Variants in HSDL2 observed in about 807,000 individuals in gnomAD.
HSDL2 encodes the protein hydroxysteroid dehydrogenase like 2.
In HSDL2, 27 loss-of-function variants were observed where a neutral mutation model predicts 46.3. The observed-to-expected ratio is 0.58, with a 90% CI of 0.43 to 0.80. The LOEUF is 0.80. HSDL2 is among the 30% of genes least tolerant of loss of function. The pLI is 0.00. For missense variants in HSDL2, 451 were observed against 502.7 expected (o/e 0.90, Z 0.98); for synonymous variants, 153 against 163.6 (o/e 0.94, Z 0.50).
chr9:112,434,814 T>C (rs1832486758), intron 6 of HSDL2, among the ~76,000 whole-genome samples: 1 of 152,238 alleles, frequency 6.6e-6, no homozygotes, highest in Non-Finnish European at 1.5e-5. Flanking sequence ...CTTAAGACTG[T>C]TGGTACTGTC....
chr9:112,462,026 G>A (rs10759569), intron 10 of HSDL2, among the ~76,000 whole-genome samples: 145,505 of 152,326 alleles, frequency 0.96, 69,558 homozygotes, highest in African/African-American at 0.98. Context: ...GTTTGCTTGT[G>A]CTTCTTATGT....
chr9:112,383,278 G>A (rs950482965), intron 1 of HSDL2, among the ~76,000 whole-genome samples: 45 of 151,994 alleles, frequency 3.0e-4, no homozygotes, highest in Non-Finnish European at 5.3e-4. Flanking sequence ...TCACCATGTT[G>A]GCCAGGCTGG....
intron 4 of HSDL2, 82 bp downstream of exon 4, chr9:112,409,103 A>C (rs1831802227): frequency 1.3e-6 from 1 of 758,544 alleles, no homozygotes; most frequent in Non-Finnish European, 2.3e-6. Flanking sequence ...GATTTGAGCC[A>C]AATTAACAGT....
intron 9 of HSDL2, 80 bp from the exon 10 acceptor site, chr9:112,459,368 AT>A: frequency 6.9e-7 from 1 of 1,458,132 alleles, no homozygotes; most frequent in Non-Finnish European, 9.4e-7. Flanking sequence ...ATTTTGTAAG[AT>A]TATTCTAATT....
intron 10 of HSDL2, among the ~76,000 whole-genome samples, chr9:112,470,093 A>C (rs772735655): frequency 6.6e-6 from 1 of 152,212 alleles, no homozygotes; most frequent in Non-Finnish European, 1.5e-5. Flanking sequence ...GAACTATCGT[A>C]AGTTGGAAAA....
At chr9:112,404,200 GT>G in intron 2 of HSDL2, 42 bp downstream of exon 2, 1 of 1,578,008 alleles carries the variant, frequency 6.3e-7, no homozygotes, top group Non-Finnish European at 8.7e-7. Context: ...CTTTCTAGTG[GT>G]TTCAATACAT....
At chr9:112,404,639 A>G (rs1311185759) in intron 2 of HSDL2, among the ~76,000 whole-genome samples, 3 of 151,922 alleles carry the variant, frequency 2.0e-5, no homozygotes, top group Non-Finnish European at 4.4e-5. Flanking sequence ...AGTGGCATGA[A>G]CTCTTTGAGA....
chr9:112,399,795 G>T (rs1831547706), intron 1 of HSDL2, among the ~76,000 whole-genome samples: 1 of 152,152 alleles, frequency 6.6e-6, no homozygotes, highest in Non-Finnish European at 1.5e-5. Flanking sequence ...CCTTATGGTT[G>T]TCTTCCCTTG....
chr9:112,441,231 G>A (rs576787164), intron 7 of HSDL2, among the ~76,000 whole-genome samples: 7 of 152,122 alleles, frequency 4.6e-5, no homozygotes, highest in African/African-American at 1.7e-4. Context: ...GGAATAGGAT[G>A]GAATAGGATA....
intron 1 of HSDL2, among the ~76,000 whole-genome samples, chr9:112,385,735 C>A (rs367614076): frequency 2.6e-5 from 4 of 151,818 alleles, no homozygotes; most frequent in Non-Finnish European, 5.9e-5. Flanking sequence ...CCTTGTGATC[C>A]GCCCACCTCA....
intron 4 of HSDL2, among the ~76,000 whole-genome samples, chr9:112,413,843 C>T (rs1010130838): frequency 5.9e-5 from 9 of 152,158 alleles, no homozygotes; most frequent in South Asian, 2.1e-4. Context: ...AAGAGTACAC[C>T]GATCAAAGCA....
chr9:112,445,002 A>G (rs1012948402), intron 8 of HSDL2, among the ~76,000 whole-genome samples: 14 of 151,632 alleles, frequency 9.2e-5, no homozygotes, highest in African/African-American at 3.4e-4. Context: ...CCTCAGCCTC[A>G]CCAATAGCTG....
chr9:112,392,959 C>G (rs901092886), intron 1 of HSDL2, among the ~76,000 whole-genome samples: 1 of 152,178 alleles, frequency 6.6e-6, no homozygotes, highest in African/African-American at 2.4e-5. Context: ...CAACTGTTCC[C>G]TCCATTGGGG....
Position 112,470,739 on chromosome 9 carries a change from A to G in HSDL2, c.*195A>G, listed in dbSNP as rs1038792627. ...AGCTAATCAAACATAAGCTTCATTA[A>G]GTGGGATTCTAAGACAGTCTGTGTT... is the stretch of plus-strand genomic sequence containing the variant. On this transcript the variant is annotated 3_prime_UTR_variant, in exon 11 of 11. Transcript: ENST00000398805. 4 of 455,404 alleles carry G rather than the reference A, an allele frequency of 8.8e-6. No homozygotes were observed. The highest frequency in any genetic ancestry group is 1.6e-5 in the Non-Finnish European group (4 of 256,336). The allele number at this position is 455,404 out of a possible 1,614,324, so 28.2% of individuals were successfully genotyped here.
chr9:112,438,835 GATAT>G (rs10553470), intron 7 of HSDL2: 149,963 of 240,814 alleles, frequency 0.62, 43,700 homozygotes, highest in Non-Finnish European at 0.63. Context: ...CTTTTGAAGT[GATAT>G]ATATATATAT....
intron 1 of HSDL2, among the ~76,000 whole-genome samples, chr9:112,394,768 C>T (rs1013495903): frequency 3.3e-5 from 5 of 152,028 alleles, no homozygotes; most frequent in Non-Finnish European, 7.4e-5. Context: ...GGTGGATGTC[C>T]GAGGCACAGA....
At position 112,389,223 on chromosome 9, in the gene HSDL2, C is replaced by G. The variant is rs188083578; in HGVS notation, c.17+9043C>G. Among the ~76,000 whole-genome samples, 1,375 of 152,264 alleles carry G rather than the reference C, an allele frequency of 9.0e-3. 13 individuals carry two copies. The highest frequency in any genetic ancestry group is 0.031 in the African/African-American group (1,308 of 41,542). On this transcript the variant is annotated intron_variant, in intron 1 of 10. Coordinates refer to ENST00000398805, the MANE Select transcript of HSDL2 (RefSeq NM_032303.5). ...TTAATTTTGTAGAGACAGGGTCTCA[C>G]TATGTTGCCCTGGCTGGTTTCGACT... is the stretch of plus-strand genomic sequence containing the variant.
intron 1 of HSDL2, among the ~76,000 whole-genome samples, chr9:112,393,892 A>C (rs1443688408): frequency 6.6e-6 from 1 of 152,222 alleles, no homozygotes; most frequent in East Asian, 1.9e-4. Flanking sequence ...GAGGCTTAAC[A>C]CAACTCTGTA....
In HSDL2 at chr9:112,441,746, G is replaced by T; in HGVS notation, c.841G>T (p.Val281Phe). ...CTTCTTAGATGAATACCCAGAAGCA[G>T]TTAGCAAGAAAGTGGAATCAACTGG... Reference protein sequence around the residue: ...DFFLDEYPEAVSKKVESTGAV... With the variant: ...DFFLDEYPEAFSKKVESTGAV... Residue 281 changes from valine to phenylalanine, a missense_variant, in exon 8 of 11, where the codon GTT (valine) becomes TTT (phenylalanine). Val to Phe is a conservative substitution (Grantham distance 50). Transcript: ENST00000398805. The T allele has an allele frequency of 6.2e-7, 1 of 1,611,508 alleles. No individual in the cohort carries two copies. The highest frequency in any genetic ancestry group is 8.5e-7 in the Non-Finnish European group (1 of 1,177,824).
Sources: gnomAD v4.1 joint callset for allele counts (sites outside exome capture counted in the v4.1 genomes callset) on GRCh38, gnomAD v4.1.1 for gene constraint, MANE v1.5 for transcripts, NCBI Gene and HGNC (gene_info 2026-07-23, HGNC 2026-07-21) for gene names.